KIAA0753: variants seen among roughly 807,000 people sequenced by gnomAD.
The protein encoded by KIAA0753 is KIAA0753.
A neutral mutation model predicts 116.9 loss-of-function variants in KIAA0753; 114 were observed. The ratio of observed to expected loss-of-function variants is 0.98; its 90% CI spans 0.84 to 1.14. The LOEUF (loss-of-function observed/expected upper bound fraction) is 1.14. Among genes scored for constraint, KIAA0753 ranks in the 50% most tolerant of loss-of-function variants. KIAA0753 has a pLI of 0.00. For synonymous variants in KIAA0753, 405 were observed against 413.1 expected (o/e 0.98, Z 0.24); for missense variants, 1,156 against 1,172.4 (o/e 0.99, Z 0.20).
chr17:6,601,624 A>T (rs1249308167), intron 12 of KIAA0753, among the ~76,000 whole-genome samples: 5 of 152,232 alleles, frequency 3.3e-5, no homozygotes, highest in Non-Finnish European at 5.9e-5. Flanking sequence ...ATGAATTTCG[A>T]CCAGTATTTC....
chr17:6,589,565 C>A lies in KIAA0753; in HGVS notation c.2786+214G>T, dbSNP rs1372710699. Among the ~76,000 whole-genome samples the A allele has an allele frequency of 3.9e-5, 6 of 152,096 alleles. 1 individual carries two copies. The East Asian group carries it at 1.2e-3, about 29-fold the overall frequency. On this transcript the variant is annotated intron_variant, in intron 18 of 18. Coordinates refer to ENST00000361413, the MANE Select transcript of KIAA0753 (RefSeq NM_014804.3). The stretch of plus-strand genomic sequence containing the variant: ...CCCTCTGCCTAGAAAAAGAAGGCTG[C>A]AGAGCACCCCTGTGGATGGCACCGC...
At chr17:6,596,102 C>T in intron 15 of KIAA0753, 56 bp downstream of exon 15, 2 of 1,532,340 alleles carry the variant, frequency 1.3e-6, no homozygotes, top group Non-Finnish European at 1.8e-6. Context: ...GGAGAAATTG[C>T]ACTCGGCAGA....
intron 15 of KIAA0753, 78 bp downstream of exon 15, chr17:6,596,080 G>T: frequency 7.3e-7 from 1 of 1,367,850 alleles, no homozygotes; most frequent in Non-Finnish European, 1.0e-6. Context: ...AGATGAGGCT[G>T]CAGAGGCATG....
rs1352744462 is a variant in KIAA0753 at position 6,590,774 on chromosome 17, A to G, written c.2441-144T>C. Reference sequence around the variant, plus strand: ...GGGTTGGCTAGCAGTGCAATGGGAAAATGCTCATTTTAAATGCAAAGGTGA... The same window carrying G: ...GGGTTGGCTAGCAGTGCAATGGGAAGATGCTCATTTTAAATGCAAAGGTGA... On this transcript the variant is annotated intron_variant, in intron 16 of 18. Transcript: ENST00000361413. 1.4e-5 allele frequency: 10 copies of G among 704,520 alleles called. No homozygotes were observed. In the Admixed American group the frequency reaches 2.8e-4, roughly 20 times the overall value. 43.6% of individuals were successfully genotyped at this position (704,520 alleles called of 1,614,324 possible).
chr17:6,610,516 CTTTTTTTTTTTTTT>C (rs71157206), intron 8 of KIAA0753, among the ~76,000 whole-genome samples: 16 of 113,460 alleles, frequency 1.4e-4, no homozygotes, highest in Non-Finnish European at 2.4e-4. Flanking sequence ...TTTTCTTTCT[CTTTTTTTTTTTTTT>C]TTTTTTAAGA....
chr17:6,599,324 T>C lies in KIAA0753; in HGVS notation c.2089-4A>G. The C allele has an allele frequency of 1.9e-6, 3 of 1,590,484 alleles. No individual in the cohort carries two copies. Among genetic ancestry groups the C allele is most frequent in the Non-Finnish European group, 2.6e-6 (3 of 1,158,822 alleles). On this transcript the variant is annotated splice_region_variant and splice_polypyrimidine_tract_variant and intron_variant, in intron 13 of 18. Transcript: ENST00000361413. ...CTTCTGTAGTAGAATTGACTCTCTA[T>C]TAAAACAGACAAATACATTCATGGA...
At chr17:6,609,296 G>C (rs747776286) in intron 9 of KIAA0753, among the ~76,000 whole-genome samples, 69 of 152,082 alleles carry the variant, frequency 4.5e-4, no homozygotes, top group Non-Finnish European at 8.5e-4. Flanking sequence ...TCCACCTCCT[G>C]GTCCTTTCCA....
At chr17:6,626,490 C>T (rs948809884) in intron 3 of KIAA0753, among the ~76,000 whole-genome samples, 4 of 152,082 alleles carry the variant, frequency 2.6e-5, no homozygotes, top group Non-Finnish European at 4.4e-5. Flanking sequence ...GGGGAAAATC[C>T]GGATTCACAT....
rs534122853 is a variant in KIAA0753, at chr17:6,593,874, A to C, written c.2440+1098T>G. ...CACTCCAGCCTGGGGAACAGAGTGA[A>C]ACTGTGACTCAAAAAATAAAAAAAA... On this transcript the variant is annotated intron_variant, in intron 16 of 18. Transcript: ENST00000361413. Among the ~76,000 whole-genome samples the C allele has an allele frequency of 9.2e-5, 14 of 152,308 alleles. No individual in the cohort carries two copies. The Middle Eastern group carries it at 0.01, about 111-fold the overall frequency.
intron 14 of KIAA0753, among the ~76,000 whole-genome samples, chr17:6,597,357 A>G (rs1335940968): frequency 6.6e-6 from 1 of 152,244 alleles, no homozygotes; most frequent in Non-Finnish European, 1.5e-5. Context: ...AAAAATCAAG[A>G]GACAACCAAT....
intron 18 of KIAA0753, among the ~76,000 whole-genome samples, chr17:6,581,277 T>G (rs963600290): frequency 3.9e-4 from 59 of 151,790 alleles, no homozygotes; most frequent in Non-Finnish European, 6.9e-4. Context: ...AGCCTTTTTT[T>G]GGGGGGGTGG....
Position 6,620,206 on chromosome 17 carries a change from G to A in KIAA0753, c.1315+582C>T, listed in dbSNP as rs564056374. The stretch of plus-strand genomic sequence containing the variant: ...TAACAGAAAACAAGAAGATGCCACT[G>A]TCCACTGATACTGGAAAGCTTTTAA... On this transcript the variant is annotated intron_variant, in intron 7 of 18. Coordinates refer to ENST00000361413, the MANE Select transcript of KIAA0753 (RefSeq NM_014804.3). Among the ~76,000 whole-genome samples the A allele has an allele frequency of 2.6e-4, 40 of 152,290 alleles. No homozygotes were observed. In the South Asian group the frequency reaches 4.1e-3, roughly 16 times the overall value.
rs533364182 is a variant in KIAA0753 at position 6,622,494 on chromosome 17, G to T, written c.1104+388C>A. On this transcript the variant is annotated intron_variant, in intron 6 of 18. Transcript: ENST00000361413. ...GATTCCATATACTGTACCTTTAAGT[G>T]TTTCTTCTTTTCCAAAATCCATCTA... Among the ~76,000 whole-genome samples, 10 of 152,298 alleles carry T rather than the reference G, an allele frequency of 6.6e-5. No individual in the cohort carries two copies. In the South Asian group the frequency reaches 2.1e-3, roughly 32 times the overall value.
Position 6,620,859 on chromosome 17 carries a change from C to T in KIAA0753, c.1244G>A (p.Arg415Lys). Residue 415 changes from arginine (R) to lysine (K), a missense_variant, in exon 7 of 19, where the codon AGG (arginine) becomes AAG (lysine). Arg to Lys is a conservative substitution (Grantham distance 26). Transcript: ENST00000361413. ...GAATGTGTCCTTTGCTGTGAGGGGC[C>T]TCCTCTCACCCTTTGGTGATGTACT... ...WPSTSPKGER[R>K]PLTAKDTFPQ... 6.2e-7 allele frequency: 1 copy of T among 1,614,182 alleles called. No homozygotes were observed. Among genetic ancestry groups the T allele is most frequent in the Non-Finnish European group, 8.5e-7 (1 of 1,180,004 alleles).
intron 2 of KIAA0753, among the ~76,000 whole-genome samples, chr17:6,631,776 G>A (rs1342955545): frequency 1.3e-5 from 2 of 152,214 alleles, no homozygotes; most frequent in African/African-American, 4.8e-5. Flanking sequence ...TCCAGCCCCA[G>A]ATAGTGATTT....
intron 18 of KIAA0753, among the ~76,000 whole-genome samples, chr17:6,580,535 C>G (rs976243351): frequency 1.3e-5 from 2 of 152,058 alleles, no homozygotes; most frequent in Non-Finnish European, 2.9e-5. Flanking sequence ...CCAGGATGGT[C>G]TCAATCTCCT....
At chr17:6,616,249 C>T (rs1226386969) in intron 7 of KIAA0753, among the ~76,000 whole-genome samples, 1 of 152,192 alleles carries the variant, frequency 6.6e-6, no homozygotes. Context: ...CTTGTCAGGG[C>T]CCATGGAGCT....
At chr17:6,605,145 G>A (rs1380405335) in intron 12 of KIAA0753, among the ~76,000 whole-genome samples, 1 of 145,514 alleles carries the variant, frequency 6.9e-6, no homozygotes, top group African/African-American at 2.5e-5. Context: ...ATCAAAACAA[G>A]CAAGTAAACT....
Position 6,634,775 on chromosome 17 carries a change from TCA to T in KIAA0753, c.93+234_93+235del, listed in dbSNP as rs1262521687. On this transcript the variant is annotated intron_variant, in intron 2 of 18. Coordinates refer to ENST00000361413, the MANE Select transcript of KIAA0753 (RefSeq NM_014804.3). ...TAGTATCATGATTAAGTAGGAGAGTTCATTTTTAGGAGAAGTATTCTCAAATA... is the reference window on the plus strand; with the variant it reads ...TAGTATCATGATTAAGTAGGAGAGTTTTTTTAGGAGAAGTATTCTCAAATA... 1.1e-5 allele frequency: 5 copies of T among 449,860 alleles called. No individual in the cohort carries two copies. The East Asian group carries it at 1.9e-4, about 17-fold the overall frequency. 27.9% of individuals were successfully genotyped at this position (449,860 alleles called of 1,614,324 possible). A position where few individuals can be genotyped will look rare whatever the true frequency, so the allele number is the denominator to read the frequency against.
Sources: allele counts gnomAD v4.1 joint callset (sites outside exome capture counted in the v4.1 genomes callset), GRCh38; gene constraint gnomAD v4.1.1; transcripts MANE v1.5; gene names NCBI Gene and HGNC (gene_info 2026-07-23, HGNC 2026-07-21).